Variants in ADCY2 observed in about 807,000 individuals in gnomAD.
ADCY2 encodes adenylate cyclase type 2.
A neutral mutation model predicts 125.2 loss-of-function variants in ADCY2; 31 were observed. The ratio of observed to expected loss-of-function variants is 0.25; its 90% confidence interval spans 0.19 to 0.33. The LOEUF (loss-of-function observed/expected upper bound fraction) is 0.33, where lower values mean the gene tolerates loss of function less well. Among genes scored for constraint, ADCY2 ranks in the 10% least tolerant of loss-of-function variants. The pLI, the probability that ADCY2 is intolerant of heterozygous loss-of-function variation, is 1.00. For missense variants in ADCY2, 904 were observed against 1,418.2 expected, an observed-to-expected ratio of 0.64 and a Z score of 5.82; for synonymous variants, 512 against 548.4, an observed-to-expected ratio of 0.93 and a Z score of 0.93.
At chr5:7,545,831 C>T (rs542322568) in intron 3 of ADCY2, among the ~76,000 whole-genome samples, 1 of 152,250 alleles carries the variant, frequency 6.6e-6, no homozygotes, top group Admixed American at 6.5e-5. Context: ...TCCGTATGGG[C>T]AGTTCAGCTA....
At chr5:7,603,810 C>CTT (rs1737309675) in intron 3 of ADCY2, among the ~76,000 whole-genome samples, 1 of 60,402 alleles carries the variant, frequency 1.7e-5, no homozygotes, top group African/African-American at 5.8e-5. Context: ...TTTTTTTTTT[C>CTT]TTTTGTTTTT....
At chr5:7,777,055 C>CTATATATA (rs35756313) in intron 18 of ADCY2, among the ~76,000 whole-genome samples, 5 of 149,226 alleles carry the variant, frequency 3.4e-5, no homozygotes, top group African/African-American at 1.2e-4. Flanking sequence ...AAACTCCCTT[C>CTATATATA]TATATATATA....
At chr5:7,814,344 C>G (rs1335779172) in intron 22 of ADCY2, among the ~76,000 whole-genome samples, 2 of 152,128 alleles carry the variant, frequency 1.3e-5, no homozygotes, top group Admixed American at 1.3e-4. Flanking sequence ...CTCCTCCCCC[C>G]GCCCCCCGGA....
chr5:7,493,474 G>T (rs1012494349), intron 2 of ADCY2, among the ~76,000 whole-genome samples: 6 of 152,128 alleles, frequency 3.9e-5, no homozygotes, highest in Non-Finnish European at 8.8e-5. Flanking sequence ...AAACTGTAAG[G>T]ATCTGAAAAT....
intron 2 of ADCY2, among the ~76,000 whole-genome samples, chr5:7,503,070 T>G (rs1743655891): frequency 6.6e-6 from 1 of 152,158 alleles, no homozygotes; most frequent in African/African-American, 2.4e-5. Flanking sequence ...TTCGCTTTCC[T>G]TTGCTCCCCT....
At position 7,709,522 on chromosome 5, in the gene ADCY2, G is replaced by C; in HGVS notation, c.1578+135G>C. 1.8e-6 allele frequency: 2 copies of C among 1,087,912 alleles called. No individual in the cohort carries two copies. The highest frequency in any genetic ancestry group is 2.5e-6 in the Non-Finnish European group (2 of 784,630). The allele number at this position is 1,087,912 out of a possible 1,614,324, so 67.4% of individuals were successfully genotyped here. On this transcript the variant is annotated intron_variant, in intron 10 of 24. Coordinates refer to ENST00000338316, the MANE Select transcript of ADCY2 (RefSeq NM_020546.3). This position sits in a 1 kb window ranked among gnomAD's most constrained non-coding sequence, Gnocchi z 4.4. ...TTATCACCTTCTTCTTCTCAGAGAG[G>C]CCCTTATGAACAACCATCAGGGTAT...
chr5:7,552,108 C>G (rs144149625), intron 3 of ADCY2, among the ~76,000 whole-genome samples: 1 of 152,020 alleles, frequency 6.6e-6, no homozygotes, highest in South Asian at 2.1e-4. Context: ...ATAGACCTAT[C>G]GATTGGAAAG....
At chr5:7,467,442 A>G (rs767296689) in intron 2 of ADCY2, among the ~76,000 whole-genome samples, 5 of 152,180 alleles carry the variant, frequency 3.3e-5, no homozygotes, top group Non-Finnish European at 5.9e-5. Flanking sequence ...GCCGTGGAGA[A>G]GGGTCCCCAC....
chr5:7,473,044 TC>T (rs1051497743), intron 2 of ADCY2, among the ~76,000 whole-genome samples: 21 of 151,742 alleles, frequency 1.4e-4, no homozygotes, highest in African/African-American at 5.1e-4. Flanking sequence ...GTCTCTGTGT[TC>T]CTGGAACCCT....
chr5:7,496,237 A>G (rs1480733084), intron 2 of ADCY2, among the ~76,000 whole-genome samples: 1 of 152,230 alleles, frequency 6.6e-6, no homozygotes, highest in African/African-American at 2.4e-5. Flanking sequence ...AATCAAAAGG[A>G]AATTTCCTAT....
At chr5:7,762,914 G>A (rs1743269247) in intron 16 of ADCY2, among the ~76,000 whole-genome samples, 1 of 152,130 alleles carries the variant, frequency 6.6e-6, no homozygotes, top group Non-Finnish European at 1.5e-5. Context: ...TCACGGGGAA[G>A]AACATTTAAT....
In ADCY2 at chr5:7,626,169, C is replaced by T. The variant is rs1235273811; in HGVS notation, c.573C>T (p.Ile191=). The part of the protein sequence containing the change: ...PGGKEHLVWQ[I]LANVIIFICG... ...AGCAGCTCTTTCTGTCTCTTTAGAT[C>T]CTGGCCAATGTGATCATTTTCATCT... The change falls in exon 4 of 25, where the codon ATC becomes ATT. Residue 191 remains isoleucine, a splice_region_variant and synonymous_variant. Coordinates refer to ENST00000338316, the MANE Select transcript of ADCY2 (RefSeq NM_020546.3). 6.2e-7 allele frequency: 1 copy of T among 1,612,842 alleles called. No homozygotes were observed. Among genetic ancestry groups the T allele is most frequent in the Non-Finnish European group, 8.5e-7 (1 of 1,179,680 alleles).
At chr5:7,509,919 G>A (rs527833335) in intron 2 of ADCY2, among the ~76,000 whole-genome samples, 72 of 152,240 alleles carry the variant, frequency 4.7e-4, no homozygotes, top group African/African-American at 1.6e-3. Context: ...AAGAAAGATG[G>A]CATTCTACTT....
At chr5:7,446,371 G>A (rs940609240) in intron 2 of ADCY2, among the ~76,000 whole-genome samples, 2 of 152,050 alleles carry the variant, frequency 1.3e-5, no homozygotes, top group Non-Finnish European at 2.9e-5. Flanking sequence ...CATGATGTGT[G>A]ATATCAAATT....
At position 7,724,563 on chromosome 5, in the gene ADCY2, A is replaced by G. The variant is rs760644272; in HGVS notation, c.1722A>G (p.Glu574=). Residue 574 remains glutamate, a synonymous_variant, in exon 13 of 25, where the codon GAA becomes GAG. Transcript: ENST00000338316. ...INAQKQWLKS[E]DIQRISLLFY... ...TTTCCAGGCAATGGCTCAAGTCTGA[A>G]GACATTCAGAGAATCTCACTGCTTT... is the stretch of plus-strand genomic sequence containing the variant. 1.2e-6 allele frequency: 2 copies of G among 1,604,120 alleles called. No individual in the cohort carries two copies. The highest frequency in any genetic ancestry group is 2.3e-5 in the South Asian group (2 of 87,922).
At chr5:7,632,792 T>A (rs745360931) in intron 4 of ADCY2, among the ~76,000 whole-genome samples, 22 of 152,192 alleles carry the variant, frequency 1.4e-4, no homozygotes, top group Non-Finnish European at 2.2e-4. Context: ...AATTTTGCCA[T>A]GATGTTTATG....
intron 3 of ADCY2, among the ~76,000 whole-genome samples, chr5:7,622,703 C>G (rs1403518231): frequency 6.6e-6 from 1 of 152,192 alleles, no homozygotes; most frequent in African/African-American, 2.4e-5. Flanking sequence ...TCATTGCTCT[C>G]CAGGGGGCCT....
chr5:7,614,651 A>C (rs1737689342), intron 3 of ADCY2, among the ~76,000 whole-genome samples: 1 of 152,186 alleles, frequency 6.6e-6, no homozygotes, highest in Admixed American at 6.5e-5. Flanking sequence ...GTGAATGTGA[A>C]GCACTGTGTC....
intron 3 of ADCY2, among the ~76,000 whole-genome samples, chr5:7,597,296 C>A (rs1397775858): frequency 6.6e-6 from 1 of 152,228 alleles, no homozygotes; most frequent in East Asian, 1.9e-4. Context: ...CAGGCAGAAG[C>A]TGCACAGAGA....
Sources: gnomAD v4.1 joint callset for allele counts (sites outside exome capture counted in the v4.1 genomes callset) on GRCh38, gnomAD v4.1.1 for gene constraint, Gnocchi (gnomAD v3.1) non-coding constraint, MANE v1.5 for transcripts, NCBI Gene and HGNC (gene_info 2026-07-23, HGNC 2026-07-21) for gene names.